Variants in MCF2L2 observed in about 807,000 individuals in gnomAD.
The protein encoded by MCF2L2 is probable guanine nucleotide exchange factor MCF2L2.
In MCF2L2, 102 loss-of-function variants were observed where a neutral mutation model predicts 150.2. The ratio of observed to expected loss-of-function variants is 0.68; its 90% CI spans 0.58 to 0.80. The LOEUF (loss-of-function observed/expected upper bound fraction) is 0.80, where lower values mean the gene tolerates loss of function less well. Among genes scored for constraint, MCF2L2 ranks in the 30% least tolerant of loss-of-function variants. The pLI is 0.00. For missense variants in MCF2L2, 1,256 were observed against 1,372.8 expected (o/e 0.91, Z 1.34); for synonymous variants, 465 against 491.3 (o/e 0.95, Z 0.71).
At chr3:183,306,276 A>AT (rs1392534485) in intron 10 of MCF2L2, among the ~76,000 whole-genome samples, 3 of 152,136 alleles carry the variant, frequency 2.0e-5, no homozygotes, top group African/African-American at 4.8e-5. Context: ...ATTGAAGCTT[A>AT]TTTTTTTAGT....
Position 183,193,053 on chromosome 3 carries a change from C to T in MCF2L2, c.2962G>A (p.Glu988Lys). Residue 988 changes from glutamate to lysine, a missense_variant, in exon 27 of 30, where the codon GAA becomes AAA. Glu to Lys is a moderately conservative substitution (Grantham distance 56, BLOSUM62 1). Coordinates refer to ENST00000328913, the MANE Select transcript of MCF2L2 (RefSeq NM_015078.4). ...AGSGPWIKNM[E>K]RATTSKEDPA... ...TCTTCCTTGCTAGTGGTAGCTCTTT[C>T]CATATTTTTAATCCATGGTCCGGAT... 1 of 1,614,118 alleles carries T rather than the reference C, an allele frequency of 6.2e-7. No individual in the cohort carries two copies. The highest frequency in any genetic ancestry group is 8.5e-7 in the Non-Finnish European group (1 of 1,180,008).
At chr3:183,276,375 A>G (rs16857242) in intron 15 of MCF2L2, among the ~76,000 whole-genome samples, 3,931 of 152,316 alleles carry the variant, frequency 0.026, 176 homozygotes, top group African/African-American at 0.087. Flanking sequence ...TAGAACAGGT[A>G]TCATGATGGG....
chr3:183,229,840 A>G (rs751701043), intron 16 of MCF2L2, 59 bp from the exon 17 acceptor site: 1 of 705,224 alleles, frequency 1.4e-6, no homozygotes, highest in African/African-American at 1.8e-5. Context: ...GATCATCTGA[A>G]TTAGCTACTG....
At chr3:183,370,976 T>C (rs1177611406) in intron 3 of MCF2L2, among the ~76,000 whole-genome samples, 1 of 152,196 alleles carries the variant, frequency 6.6e-6, no homozygotes, top group Non-Finnish European at 1.5e-5. Flanking sequence ...AAGTACACTC[T>C]GTACTCGTGA....
chr3:183,426,866 A>T (rs1716189686), intron 1 of MCF2L2, among the ~76,000 whole-genome samples: 1 of 152,246 alleles, frequency 6.6e-6, no homozygotes, highest in African/African-American at 2.4e-5. Context: ...CATATAAATC[A>T]TCTTTACAAA....
At chr3:183,329,857 C>T (rs923600697) in intron 5 of MCF2L2, among the ~76,000 whole-genome samples, 1 of 152,188 alleles carries the variant, frequency 6.6e-6, no homozygotes, top group Non-Finnish European at 1.5e-5. Context: ...GCCTAGGCTA[C>T]AAGCCTGTAC....
intron 2 of MCF2L2, among the ~76,000 whole-genome samples, chr3:183,382,005 C>A (rs889655866): frequency 2.6e-5 from 4 of 152,026 alleles, no homozygotes; most frequent in Non-Finnish European, 2.9e-5. Flanking sequence ...AACTGAAATA[C>A]CCTAAAATAT....
chr3:183,198,108 G>A (rs1722136027), intron 25 of MCF2L2, among the ~76,000 whole-genome samples: 1 of 152,108 alleles, frequency 6.6e-6, no homozygotes, highest in African/African-American at 2.4e-5. Flanking sequence ...GAAAACACAT[G>A]TCCACACAAA....
intron 15 of MCF2L2, among the ~76,000 whole-genome samples, chr3:183,232,325 C>T (rs1416547731): frequency 6.6e-6 from 1 of 152,160 alleles, no homozygotes; most frequent in Non-Finnish European, 1.5e-5. Flanking sequence ...CACAGCCAGC[C>T]AACACCTTGA....
chr3:183,227,746 C>T lies in MCF2L2; in HGVS notation c.2115+551G>A, dbSNP rs1442295937. The T allele has an allele frequency of 6.6e-6, 1 of 152,376 alleles. No homozygotes were observed. The highest frequency in any genetic ancestry group is 2.4e-5 in the African/African-American group (1 of 41,422). The allele number at this position is 152,376 out of a possible 1,614,324, so 9.4% of individuals were successfully genotyped here. ...AGCTCAGTCAAATTGGACTCATTCT[C>T]ACCTTGGATAAAGTCAGATAAAGTT... On this transcript the variant is annotated intron_variant, in intron 18 of 29. Coordinates refer to ENST00000328913, the MANE Select transcript of MCF2L2 (RefSeq NM_015078.4). This position sits in a 1 kb window ranked among gnomAD's most constrained non-coding sequence, Gnocchi z 4.0.
At chr3:183,189,210 C>T (rs189057456) in intron 27 of MCF2L2, among the ~76,000 whole-genome samples, 3 of 152,298 alleles carry the variant, frequency 2.0e-5, no homozygotes, top group East Asian at 1.9e-4. Flanking sequence ...TCTCCATTTC[C>T]GAGCCCATGG....
rs535169873 is a variant in MCF2L2 at position 183,208,394 on chromosome 3, T to C, written c.2497-571A>G. Among the ~76,000 whole-genome samples the C allele has an allele frequency of 2.0e-5, 3 of 152,346 alleles. No individual in the cohort carries two copies. In the South Asian group the frequency reaches 6.2e-4, roughly 32 times the overall value. ...TGGAAATAGTAACTGCATTCAACTC[T>C]GAGTTTTTCAGAGTGAGTCAACAGT... On this transcript the variant is annotated intron_variant, in intron 22 of 29. Coordinates refer to ENST00000328913, the MANE Select transcript of MCF2L2 (RefSeq NM_015078.4).
intron 1 of MCF2L2, among the ~76,000 whole-genome samples, chr3:183,413,878 T>C (rs1715448644): frequency 6.6e-6 from 1 of 152,206 alleles, no homozygotes; most frequent in African/African-American, 2.4e-5. Context: ...GTCTTCACCT[T>C]AAGTGGGCTG....
At chr3:183,194,033 A>C (rs1298864603) in intron 26 of MCF2L2, among the ~76,000 whole-genome samples, 1 of 152,224 alleles carries the variant, frequency 6.6e-6, no homozygotes, top group East Asian at 1.9e-4. Context: ...ATGGTCTCAT[A>C]GGGAGAAAAT....
In MCF2L2 at chr3:183,190,948, C is replaced by T. The variant is rs112003289; in HGVS notation, c.3016+2051G>A. Among the ~76,000 whole-genome samples the T allele has an allele frequency of 7.1e-3, 1,074 of 152,244 alleles. 12 individuals carry two copies. Among genetic ancestry groups the T allele is most frequent in the African/African-American group, 0.024 (998 of 41,518 alleles). On this transcript the variant is annotated intron_variant, in intron 27 of 29. Coordinates refer to ENST00000328913, the MANE Select transcript of MCF2L2 (RefSeq NM_015078.4). ...TTGCCCAGGCTGGAGTGCAATGGCG[C>T]GATCTTGACTCACCACAATCTCTGC... is the stretch of plus-strand genomic sequence containing the variant.
intron 1 of MCF2L2, among the ~76,000 whole-genome samples, chr3:183,402,453 A>G (rs1039112804): frequency 8.5e-6 from 1 of 117,574 alleles, no homozygotes; most frequent in Non-Finnish European, 1.6e-5. Flanking sequence ...GACTCCATCA[A>G]AAAAAAAAAA....
intron 19 of MCF2L2, among the ~76,000 whole-genome samples, chr3:183,223,865 T>C (rs1041894828): frequency 6.6e-6 from 1 of 152,194 alleles, no homozygotes; most frequent in African/African-American, 2.4e-5. Flanking sequence ...TTTTACTTAG[T>C]TTCATTTTTA....
chr3:183,344,752 G>GA (rs1188181212), intron 3 of MCF2L2, among the ~76,000 whole-genome samples: 10 of 151,272 alleles, frequency 6.6e-5, no homozygotes, highest in Admixed American at 2.6e-4. Flanking sequence ...CAAATGGAAA[G>GA]AAAAAAAAGA....
chr3:183,364,540 A>C (rs75113171), intron 3 of MCF2L2, among the ~76,000 whole-genome samples: 3,408 of 152,138 alleles, frequency 0.022, 69 homozygotes, highest in Non-Finnish European at 0.028. Context: ...AAAACAAAAG[A>C]TAAAGGCAGA....
Sources: allele counts gnomAD v4.1 joint callset (sites outside exome capture counted in the v4.1 genomes callset), GRCh38; gene constraint gnomAD v4.1.1; non-coding constraint Gnocchi (gnomAD v3.1); transcripts MANE v1.5; gene names NCBI Gene and HGNC (gene_info 2026-07-23, HGNC 2026-07-21).